HEATR4: variants seen among roughly 807,000 people sequenced by gnomAD.
The protein encoded by HEATR4 is HEAT repeat-containing protein 4.
HEATR4 carries 95 observed loss-of-function variants against 108.8 expected under a neutral mutation model. The observed-to-expected ratio is 0.87, with a 90% CI of 0.74 to 1.04. The LOEUF (loss-of-function observed/expected upper bound fraction) is 1.04. Ranked by LOEUF, HEATR4 falls within the 50% of genes least tolerant of loss-of-function variation. The pLI is 0.00. For synonymous variants in HEATR4, 443 were observed against 459.4 expected (o/e 0.96, Z 0.46); for missense variants, 1,152 against 1,253.8 (o/e 0.92, Z 1.23).
chr14:73,599,136 T>C, the HEATR4 span, among the ~76,000 whole-genome samples: 1 of 152,050 alleles, frequency 6.6e-6, no homozygotes, highest in African/African-American at 2.4e-5. Context: ...GTCTCAGTTA[T>C]CTCAGCCCAA....
At position 73,541,641 on chromosome 14, in the gene HEATR4, G is replaced by A. The variant is rs1267256130; in HGVS notation, c.-151-11397C>T. On this transcript the variant is annotated intron_variant, in intron 1 of 17. Coordinates refer to ENST00000553558, the MANE Select transcript of HEATR4 (RefSeq NM_001220484.1). ...AAGACCTCCCCAAGACCATGGAGACGCTCCATCTGGAGTACTTTGAAGAAG... is the reference window on the plus strand; with the variant it reads ...AAGACCTCCCCAAGACCATGGAGACACTCCATCTGGAGTACTTTGAAGAAG... The A allele has an allele frequency of 2.2e-5, 27 of 1,242,916 alleles. 6 individuals carry two copies. Among genetic ancestry groups the A allele is most frequent in the Non-Finnish European group, 2.5e-5 (23 of 935,850 alleles). 77.0% of individuals were successfully genotyped at this position (1,242,916 alleles called of 1,614,324 possible).
intron 7 of HEATR4, among the ~76,000 whole-genome samples, chr14:73,509,862 A>C (rs868838293): frequency 1.6e-5 from 1 of 63,216 alleles, no homozygotes; most frequent in Non-Finnish European, 3.2e-5. Context: ...ATATATATAT[A>C]TATATATTTA....
intron 10 of HEATR4, among the ~76,000 whole-genome samples, chr14:73,503,861 C>T (rs1313831089): frequency 2.6e-5 from 4 of 152,256 alleles, no homozygotes; most frequent in Admixed American, 6.5e-5. Flanking sequence ...GACTCATAGA[C>T]ATACTGCCTT....
the HEATR4 span, chr14:73,573,516 C>G: frequency 6.2e-7 from 1 of 1,613,572 alleles, no homozygotes. Flanking sequence ...CTATGAAGAC[C>G]TCCCCAAGAC....
At chr14:73,573,295 G>A in the HEATR4 span, 1 of 1,569,150 alleles carries the variant, frequency 6.4e-7, no homozygotes, top group East Asian at 2.2e-5. Flanking sequence ...TGGGATTGCT[G>A]GGTCACATGT....
intron 1 of HEATR4, among the ~76,000 whole-genome samples, chr14:73,536,498 AGTGAGACCCT>A (rs1197225848): frequency 1.2e-5 from 1 of 86,446 alleles, no homozygotes; most frequent in Non-Finnish European, 2.3e-5. Flanking sequence ...CTGGCAACGT[AGTGAGACCCT>A]GTCTCTTTAA....
At chr14:73,612,390 A>T in the HEATR4 span, 3 of 426,628 alleles carry the variant, frequency 7.0e-6, no homozygotes, top group Admixed American at 4.4e-5. Context: ...CATTTGGGAC[A>T]CTGGTGTATT....
chr14:73,593,759 A>C, the HEATR4 span: 3 of 1,613,852 alleles, frequency 1.9e-6, no homozygotes, highest in African/African-American at 4.0e-5. Flanking sequence ...GGCCTCTTGG[A>C]ATATCGAGCC....
intron 17 of HEATR4, among the ~76,000 whole-genome samples, chr14:73,488,650 A>G (rs772703646): frequency 2.6e-5 from 4 of 151,610 alleles, no homozygotes; most frequent in Non-Finnish European, 5.9e-5. Flanking sequence ...AGCCAATTAA[A>G]CCTCTTTTCT....
chr14:73,571,638 G>C, the HEATR4 span: 1 of 150,968 alleles, frequency 6.6e-6, no homozygotes, highest in Non-Finnish European at 1.5e-5. Flanking sequence ...GCAGGAGGCC[G>C]TCTGGAAGCT....
chr14:73,512,697 G>T (rs1887341194), intron 6 of HEATR4, among the ~76,000 whole-genome samples: 1 of 152,184 alleles, frequency 6.6e-6, no homozygotes, highest in Admixed American at 6.5e-5. Context: ...TAGGTTCTTT[G>T]TCTTTGAGGG....
Position 73,495,214 on chromosome 14 carries a change from C to T in HEATR4, c.2785+14G>A. On this transcript the variant is annotated intron_variant, in intron 16 of 17. Transcript: ENST00000553558. The stretch of plus-strand genomic sequence containing the variant: ...AAGGAATCAAGGCATGGAACTCACC[C>T]CTAGGAAACCTACCCTGAAAAGTTT... 1.2e-6 allele frequency: 2 copies of T among 1,610,660 alleles called. No homozygotes were observed. The highest frequency in any genetic ancestry group is 1.7e-6 in the Non-Finnish European group (2 of 1,178,242).
At chr14:73,583,561 G>A in the HEATR4 span, among the ~76,000 whole-genome samples, 2 of 151,900 alleles carry the variant, frequency 1.3e-5, no homozygotes, top group African/African-American at 2.4e-5. Flanking sequence ...CAGTTACCAC[G>A]TTGCCTCTCT....
At chr14:73,589,171 T>C in the HEATR4 span, among the ~76,000 whole-genome samples, 1 of 152,180 alleles carries the variant, frequency 6.6e-6, no homozygotes, top group Non-Finnish European at 1.5e-5. Flanking sequence ...ATGACATGTA[T>C]CCACCATTAC....
At chr14:73,547,080 C>A (rs1371311774) in intron 1 of HEATR4, among the ~76,000 whole-genome samples, 1 of 106,126 alleles carries the variant, frequency 9.4e-6, no homozygotes, top group Non-Finnish European at 2.1e-5. Flanking sequence ...GAGCAAAACT[C>A]CGTCTCAAAA....
At chr14:73,582,591 C>T in the HEATR4 span, 1 of 151,874 alleles carries the variant, frequency 6.6e-6, no homozygotes. Context: ...CTCAAACTGA[C>T]ATTTTGCTCA....
At chr14:73,507,944 C>T (rs959451317) in intron 9 of HEATR4, among the ~76,000 whole-genome samples, 190 bp downstream of exon 9, 15 of 152,086 alleles carry the variant, frequency 9.9e-5, no homozygotes, top group African/African-American at 3.1e-4. Flanking sequence ...GAGGTTTCAC[C>T]CATGTTGGCC....
intron 17 of HEATR4, chr14:73,491,718 A>G: frequency 6.4e-7 from 1 of 1,551,264 alleles, no homozygotes; most frequent in Non-Finnish European, 8.7e-7. Flanking sequence ...CGGCGGCAGG[A>G]CCACACCTAC....
chr14:73,552,765 C>T (rs1432758322), intron 1 of HEATR4, among the ~76,000 whole-genome samples: 1 of 106,382 alleles, frequency 9.4e-6, no homozygotes, highest in African/African-American at 3.5e-5. Context: ...ACCTTGGGCC[C>T]TCCAGATAAC....
Sources: allele counts gnomAD v4.1 joint callset (sites outside exome capture counted in the v4.1 genomes callset), GRCh38; gene constraint gnomAD v4.1.1; transcripts MANE v1.5; gene names NCBI Gene and HGNC (gene_info 2026-07-23, HGNC 2026-07-21).